Variants in MECOM observed in about 807,000 individuals in gnomAD.
MECOM encodes histone-lysine N-methyltransferase MECOM.
A neutral mutation model predicts 116.3 loss-of-function variants in MECOM; 13 were observed. The ratio of observed to expected loss-of-function variants is 0.11; its 90% CI spans 0.07 to 0.18. The LOEUF (loss-of-function observed/expected upper bound fraction) is 0.18. MECOM is among the 10% of genes least tolerant of loss of function. MECOM has a pLI of 1.00. For synonymous variants in MECOM, 528 were observed against 535.2 expected (o/e 0.99, Z 0.19); for missense variants, 1,299 against 1,509.0 (o/e 0.86, Z 2.31).
chr3:169,452,280 T>G (rs924637536), intron 1 of MECOM, among the ~76,000 whole-genome samples: 1 of 152,020 alleles, frequency 6.6e-6, no homozygotes, highest in Non-Finnish European at 1.5e-5. Flanking sequence ...CACACGCCTT[T>G]CCCTTATTTG....
chr3:169,174,685 A>T (rs539148980), intron 2 of MECOM, among the ~76,000 whole-genome samples: 1 of 152,332 alleles, frequency 6.6e-6, no homozygotes, highest in African/African-American at 2.4e-5. Flanking sequence ...ATTCTGAAAA[A>T]TAGCATCCAC....
intron 1 of MECOM, among the ~76,000 whole-genome samples, chr3:169,479,270 AGTGTGTGT>A (rs10629993): frequency 4.7e-5 from 7 of 148,710 alleles, no homozygotes; most frequent in African/African-American, 1.7e-4. Flanking sequence ...TAGGGATGTG[AGTGTGTGT>A]GTGTGTGTGT....
Position 169,233,834 on chromosome 3 carries a change from A to G in MECOM, c.376-90002T>C, listed in dbSNP as rs185122721. Among the ~76,000 whole-genome samples, 18 of 152,296 alleles carry G rather than the reference A, an allele frequency of 1.2e-4. No homozygotes were observed. In the East Asian group the frequency reaches 3.1e-3, roughly 26 times the overall value. On this transcript the variant is annotated intron_variant, in intron 2 of 16. Coordinates refer to ENST00000651503, the MANE Select transcript of MECOM (RefSeq NM_004991.4). ...TGCTGCACCTAAATTCGTCACAGTAACATGATTTTCATGCTGGAAATGAAC... is the reference window on the plus strand; with the variant it reads ...TGCTGCACCTAAATTCGTCACAGTAGCATGATTTTCATGCTGGAAATGAAC...
chr3:169,486,029 A>ATATATAG (rs1752326822), intron 1 of MECOM, among the ~76,000 whole-genome samples: 4 of 115,778 alleles, frequency 3.5e-5, no homozygotes, highest in African/African-American at 7.5e-5. Context: ...TATATATAGT[A>ATATATAG]TATATATATA....
chr3:169,599,676 G>A (rs970628342), intron 1 of MECOM, among the ~76,000 whole-genome samples: 6 of 152,186 alleles, frequency 3.9e-5, no homozygotes, highest in African/African-American at 1.4e-4. Context: ...GGGAATGGTT[G>A]AGAAATGGCT....
intron 2 of MECOM, among the ~76,000 whole-genome samples, chr3:169,163,197 A>G (rs1743095421): frequency 6.6e-6 from 1 of 152,204 alleles, no homozygotes; most frequent in Non-Finnish European, 1.5e-5. Context: ...TAGGCAAAAG[A>G]TATCCATTCA....
intron 2 of MECOM, among the ~76,000 whole-genome samples, chr3:169,258,972 C>T (rs1239123813): frequency 1.3e-5 from 2 of 151,882 alleles, no homozygotes; most frequent in Non-Finnish European, 2.9e-5. Flanking sequence ...AGGTCACATG[C>T]TGAACACTGA....
chr3:169,436,602 A>G (rs901981817), intron 1 of MECOM, among the ~76,000 whole-genome samples: 4 of 152,140 alleles, frequency 2.6e-5, no homozygotes, highest in African/African-American at 9.7e-5. Context: ...GATTAGCAAA[A>G]TTAATGGTGA....
intron 1 of MECOM, among the ~76,000 whole-genome samples, chr3:169,526,945 A>G (rs1268458743): frequency 6.6e-6 from 1 of 152,222 alleles, no homozygotes; most frequent in African/African-American, 2.4e-5. Flanking sequence ...TGGTGATCCT[A>G]AAACACATCA....
At chr3:169,410,546 G>A (rs181431712) in intron 1 of MECOM, among the ~76,000 whole-genome samples, 2 of 152,218 alleles carry the variant, frequency 1.3e-5, no homozygotes, top group East Asian at 3.9e-4. Flanking sequence ...AGATTCCATG[G>A]TTTTTTGTGA....
At chr3:169,600,801 G>A (rs190935553) in intron 1 of MECOM, among the ~76,000 whole-genome samples, 13 of 152,220 alleles carry the variant, frequency 8.5e-5, no homozygotes, top group Admixed American at 7.9e-4. Context: ...ATTATTTTTG[G>A]CTGAGCTCCA....
rs867350632 is a variant in MECOM, at chr3:169,378,522, G to A, written c.375+2665C>T. Among the ~76,000 whole-genome samples, 5 of 20,956 alleles carry A rather than the reference G, an allele frequency of 2.4e-4. 1 individual carries two copies. The highest frequency in any genetic ancestry group is 3.7e-4 in the African/African-American group (2 of 5,364). 13.7% of individuals were successfully genotyped at this position (20,956 alleles called of 152,430 possible). Reference sequence around the variant, plus strand: ...GAAAGAAAGAAAGAAAGAAAAGAAAGAAAGAAAGAAAGAAAGAAAGAAAGA... The same window carrying A: ...GAAAGAAAGAAAGAAAGAAAAGAAAAAAAGAAAGAAAGAAAGAAAGAAAGA... On this transcript the variant is annotated intron_variant, in intron 2 of 16. Coordinates refer to ENST00000651503, the MANE Select transcript of MECOM (RefSeq NM_004991.4).
chr3:169,090,763 T>G (rs1719461418), intron 14 of MECOM, among the ~76,000 whole-genome samples: 1 of 151,894 alleles, frequency 6.6e-6, no homozygotes, highest in South Asian at 2.1e-4. Flanking sequence ...TGTGGTACAT[T>G]CCACCTAACC....
intron 1 of MECOM, among the ~76,000 whole-genome samples, chr3:169,395,479 A>C (rs903889386): frequency 3.9e-5 from 6 of 152,158 alleles, no homozygotes; most frequent in African/African-American, 1.4e-4. Flanking sequence ...TGACTACTAA[A>C]TTTACACACA....
chr3:169,160,685 G>A (rs1190083486), intron 2 of MECOM, among the ~76,000 whole-genome samples: 1 of 151,350 alleles, frequency 6.6e-6, no homozygotes, highest in Non-Finnish European at 1.5e-5. Flanking sequence ...TAACTGAGTT[G>A]TTTGTAAAAC....
At chr3:169,535,818 A>G (rs1759284253) in intron 1 of MECOM, among the ~76,000 whole-genome samples, 1 of 152,196 alleles carries the variant, frequency 6.6e-6, no homozygotes, top group Non-Finnish European at 1.5e-5. Context: ...GAATAAGCAG[A>G]CTGTCAACAG....
chr3:169,159,540 A>T (rs537169753), intron 2 of MECOM, among the ~76,000 whole-genome samples: 69 of 152,294 alleles, frequency 4.5e-4, no homozygotes, highest in Middle Eastern at 3.4e-3. Flanking sequence ...CCCGGGCAAC[A>T]GTGCGAGATT....
rs192935298 is a variant in MECOM at position 169,531,736 on chromosome 3, T to G, written c.37+131600A>C. On this transcript the variant is annotated intron_variant, in intron 1 of 16. Transcript: ENST00000651503. ...CACACAAATGGTTACAAGTCTTAAA[T>G]CACATGAAAATAAAGCCTGTATAGC... Among the ~76,000 whole-genome samples, 131 of 152,242 alleles carry G rather than the reference T, an allele frequency of 8.6e-4. 3 individuals carry two copies. The highest frequency in any genetic ancestry group is 5.0e-3 in the East Asian group (26 of 5,180).
At chr3:169,116,834 G>C in intron 7 of MECOM, 95 bp from the exon 8 acceptor site, 1 of 1,459,170 alleles carries the variant, frequency 6.9e-7, no homozygotes, top group South Asian at 1.5e-5. Flanking sequence ...ATTTCAATTA[G>C]GAAGCCAGTA....
Sources: gnomAD v4.1 joint callset for allele counts (sites outside exome capture counted in the v4.1 genomes callset) on GRCh38, gnomAD v4.1.1 for gene constraint, MANE v1.5 for transcripts, NCBI Gene and HGNC (gene_info 2026-07-23, HGNC 2026-07-21) for gene names.